The following CAMTA1 variants were observed in gnomAD, a reference collection of about 807,000 sequenced individuals.
The protein encoded by CAMTA1 is calmodulin-binding transcription activator 1.
A neutral mutation model predicts 170.9 loss-of-function variants in CAMTA1; 27 were observed. That is an observed-to-expected ratio of 0.16 (90% CI 0.12 to 0.22). The LOEUF (loss-of-function observed/expected upper bound fraction) is 0.22. Among genes scored for constraint, CAMTA1 ranks in the 10% least tolerant of loss-of-function variants. The pLI, the probability that CAMTA1 is intolerant of heterozygous loss-of-function variation, is 1.00. For missense variants in CAMTA1, 1,619 were observed against 2,217.2 expected (o/e 0.73, Z 5.42); for synonymous variants, 833 against 891.5 (o/e 0.93, Z 1.17).
At chr1:6,786,181 T>G (rs1289466151) in intron 1 of CAMTA1, among the ~76,000 whole-genome samples, 4 of 151,804 alleles carry the variant, frequency 2.6e-5, no homozygotes, top group Non-Finnish European at 4.4e-5. Flanking sequence ...GTCCCCGAGC[T>G]TCTCCCCGCC....
intron 16 of CAMTA1, among the ~76,000 whole-genome samples, chr1:7,741,044 G>A (rs2096808884): frequency 1.3e-5 from 2 of 152,156 alleles, no homozygotes; most frequent in South Asian, 4.1e-4. Flanking sequence ...CGATAGTGTG[G>A]TATATGTGAG....
intron 4 of CAMTA1, among the ~76,000 whole-genome samples, chr1:7,196,778 T>C (rs1420519152): frequency 5.3e-5 from 8 of 152,210 alleles, no homozygotes; most frequent in African/African-American, 1.9e-4. Context: ...AGGAGTAAGA[T>C]TGAAGTCCAT....
At chr1:7,439,179 G>T (rs756157284) in intron 5 of CAMTA1, among the ~76,000 whole-genome samples, 1 of 152,124 alleles carries the variant, frequency 6.6e-6, no homozygotes, top group Non-Finnish European at 1.5e-5. Flanking sequence ...GGTCGGGCCC[G>T]CCCTTGCTGA....
At chr1:7,020,899 C>T (rs556408911) in intron 3 of CAMTA1, among the ~76,000 whole-genome samples, 2 of 152,334 alleles carry the variant, frequency 1.3e-5, no homozygotes, top group East Asian at 3.9e-4. Flanking sequence ...TGATTGTCCC[C>T]ACTGGGCCAC....
At chr1:7,321,895 C>T (rs752443829) in intron 5 of CAMTA1, among the ~76,000 whole-genome samples, 1 of 152,160 alleles carries the variant, frequency 6.6e-6, no homozygotes, top group African/African-American at 2.4e-5. Context: ...GTTACACCAC[C>T]ACGTAACCCT....
At chr1:6,962,816 T>A (rs1690720209) in intron 3 of CAMTA1, among the ~76,000 whole-genome samples, 1 of 133,002 alleles carries the variant, frequency 7.5e-6, no homozygotes, top group Non-Finnish European at 1.6e-5. Flanking sequence ...ATCTGGCTCC[T>A]CCCACCCATC....
At position 7,298,648 on chromosome 1, in the gene CAMTA1, C is replaced by T. The variant is rs561179510; in HGVS notation, c.438+49022C>T. Among the ~76,000 whole-genome samples, 64 of 152,288 alleles carry T rather than the reference C, an allele frequency of 4.2e-4. 1 individual carries two copies. The South Asian group carries it at 0.013, about 31-fold the overall frequency. On this transcript the variant is annotated intron_variant, in intron 5 of 22. Transcript: ENST00000303635. ...TGTATATTAGAATTTTACCACTTCT[C>T]TCTGGGGGAATTAGGTATTTATCAA...
At chr1:6,961,332 C>G (rs186022550) in intron 3 of CAMTA1, among the ~76,000 whole-genome samples, 254 of 152,258 alleles carry the variant, frequency 1.7e-3, no homozygotes, top group Admixed American at 4.1e-3. Context: ...ACTGACCTAG[C>G]GGGAACTGAA....
intron 4 of CAMTA1, 57 bp downstream of exon 4, chr1:7,091,428 A>G: frequency 1.5e-6 from 2 of 1,310,480 alleles, no homozygotes; most frequent in Non-Finnish European, 2.2e-6. Context: ...ATTGATTTGC[A>G]TTGATTACCT....
intron 4 of CAMTA1, among the ~76,000 whole-genome samples, chr1:7,171,859 T>C (rs1014497683): frequency 6.6e-6 from 1 of 152,204 alleles, no homozygotes; most frequent in Non-Finnish European, 1.5e-5. Flanking sequence ...AATGGAATCA[T>C]ATAATATGTG....
rs374494504 is a variant in CAMTA1, at chr1:7,475,492, TCCCAG to T, written c.510+7592_510+7596del. On this transcript the variant is annotated intron_variant, in intron 6 of 22. Transcript: ENST00000303635. ...TGGGCTCAGCAGGGAGGGGAAGGTG[TCCCAG>T]GCCTGCCAGACCCTCTGCGCACCAT... Among the ~76,000 whole-genome samples, 236 of 152,284 alleles carry T rather than the reference TCCCAG, an allele frequency of 1.5e-3. 1 individual carries two copies. Among genetic ancestry groups the T allele is most frequent in the African/African-American group, 5.5e-3 (228 of 41,566 alleles).
At chr1:7,256,977 T>C (rs1667477965) in intron 5 of CAMTA1, among the ~76,000 whole-genome samples, 1 of 151,822 alleles carries the variant, frequency 6.6e-6, no homozygotes, top group South Asian at 2.1e-4. Flanking sequence ...CTCTCTGGGG[T>C]TCCTTTTATC....
chr1:7,464,118 C>G (rs956002876), intron 5 of CAMTA1, among the ~76,000 whole-genome samples: 2 of 152,228 alleles, frequency 1.3e-5, no homozygotes, highest in Non-Finnish European at 2.9e-5. Flanking sequence ...TCAAAGGTTG[C>G]TTTCATCTGA....
intron 5 of CAMTA1, among the ~76,000 whole-genome samples, chr1:7,323,540 T>TTTTTG (rs1678808227): frequency 7.1e-6 from 1 of 140,458 alleles, no homozygotes; most frequent in Non-Finnish European, 1.5e-5. Context: ...TTTATCTTTT[T>TTTTTG]GAGATGAAGT....
At chr1:6,979,093 G>A (rs1420867085) in intron 3 of CAMTA1, among the ~76,000 whole-genome samples, 1 of 152,172 alleles carries the variant, frequency 6.6e-6, no homozygotes, top group Non-Finnish European at 1.5e-5. Context: ...GGTGTGGCTG[G>A]AGGAGGGAGT....
At chr1:7,600,081 C>A (rs1398945502) in intron 6 of CAMTA1, among the ~76,000 whole-genome samples, 1 of 152,140 alleles carries the variant, frequency 6.6e-6, no homozygotes, top group Non-Finnish European at 1.5e-5. Context: ...GTGGGTTTGT[C>A]ATAGATAGCT....
In CAMTA1 at chr1:7,127,903, A is replaced by G. The variant is rs181886628; in HGVS notation, c.302+36532A>G. On this transcript the variant is annotated intron_variant, in intron 4 of 22. Coordinates refer to ENST00000303635, the MANE Select transcript of CAMTA1 (RefSeq NM_015215.4). ...TGGTGTCCAGGAACTTGATTGGTAA[A>G]CCGTTCTCTATTCTGACATAAAACC... 3.3e-5 allele frequency among the ~76,000 whole-genome samples: 5 copies of G among 152,240 alleles called. No homozygotes were observed. In the East Asian group the frequency reaches 7.7e-4, roughly 24 times the overall value.
Position 7,050,491 on chromosome 1 carries a change from G to A in CAMTA1, c.235-40813G>A, listed in dbSNP as rs914357380. ...GAAGACTCTCAAACAGGCCTTGGCT[G>A]CATCAAACACATCGCGGGGGTGTGG... On this transcript the variant is annotated intron_variant, in intron 3 of 22. Coordinates refer to ENST00000303635, the MANE Select transcript of CAMTA1 (RefSeq NM_015215.4). The surrounding 1 kb of genome is among the most constrained non-coding windows in gnomAD (Gnocchi z 4.8). Among the ~76,000 whole-genome samples the A allele has an allele frequency of 6.6e-6, 1 of 152,166 alleles. No individual in the cohort carries two copies. Among genetic ancestry groups the A allele is most frequent in the Non-Finnish European group, 1.5e-5 (1 of 68,022 alleles).
intron 4 of CAMTA1, among the ~76,000 whole-genome samples, chr1:7,140,179 T>C (rs1281203742): frequency 6.6e-6 from 1 of 152,132 alleles, no homozygotes; most frequent in East Asian, 1.9e-4. Flanking sequence ...GGCTGCTTGA[T>C]CCACAGTCCA....
Sources: gnomAD v4.1 joint callset for allele counts (sites outside exome capture counted in the v4.1 genomes callset) on GRCh38, gnomAD v4.1.1 for gene constraint, Gnocchi (gnomAD v3.1) non-coding constraint, MANE v1.5 for transcripts, NCBI Gene and HGNC (gene_info 2026-07-23, HGNC 2026-07-21) for gene names.